The following RAET1E variants were observed in gnomAD, a reference collection of about 807,000 sequenced individuals.
RAET1E encodes retinoic acid early transcript 1E, also known as NKG2D ligand 4.
In RAET1E, 27 loss-of-function variants were observed where a neutral mutation model predicts 21.1. The ratio of observed to expected loss-of-function variants is 1.28; its 90% CI spans 0.94 to 1.76. RAET1E has a LOEUF of 1.76. RAET1E is among the 40% of genes most tolerant of loss of function. RAET1E has a pLI of 0.00. For synonymous variants in RAET1E, 113 were observed against 115.0 expected, an observed-to-expected ratio of 0.98 and a Z score of 0.11; for missense variants, 310 against 311.3, an observed-to-expected ratio of 1.00 and a Z score of 0.03.
In RAET1E at chr6:149,890,931, G is replaced by A. The variant is rs765754473; in HGVS notation, c.-30C>T. The A allele has an allele frequency of 1.8e-5, 27 of 1,474,852 alleles. No individual in the cohort carries two copies. Among genetic ancestry groups the A allele is most frequent in the Non-Finnish European group, 2.3e-5 (24 of 1,055,070 alleles). 91.4% of individuals were successfully genotyped at this position (1,474,852 alleles called of 1,614,324 possible). ...TGGAGAGTAACAGGCAGGAAGCTGG[G>A]CGTGTACACATTCACCCTCACTGGT... On this transcript the variant is annotated 5_prime_UTR_variant, in exon 3 of 6. Coordinates refer to ENST00000357183, the MANE Select transcript of RAET1E (RefSeq NM_001394057.1).
Position 149,887,972 on chromosome 6 carries a change from C to T in RAET1E, c.*526G>A, listed in dbSNP as rs1036556837. ...ATCCCAGCGCTTTGGGAGGCCGAGG[C>T]GGGAGCATCACCTGAGGTCGGGAGT... On this transcript the variant is annotated 3_prime_UTR_variant, in exon 6 of 6. Coordinates refer to ENST00000357183, the MANE Select transcript of RAET1E (RefSeq NM_001394057.1). Among the ~76,000 whole-genome samples, 2 of 152,094 alleles carry T rather than the reference C, an allele frequency of 1.3e-5. No individual in the cohort carries two copies. The highest frequency in any genetic ancestry group is 2.9e-5 in the Non-Finnish European group (2 of 68,010).
Position 149,884,195 on chromosome 6 carries a change from T to C in RAET1E, c.*4303A>G. 2.5e-6 allele frequency: 1 copy of C among 394,558 alleles called. No homozygotes were observed. 24.4% of individuals were successfully genotyped at this position (394,558 alleles called of 1,614,324 possible). A position where few individuals can be genotyped will look rare whatever the true frequency, so the allele number is the denominator to read the frequency against. The stretch of plus-strand genomic sequence containing the variant: ...CTCACGAGCAAAGGCTCACTGCAGC[T>C]TCAGATTCCTGGGCTCAAGTGATCC... On this transcript the variant is annotated 3_prime_UTR_variant, in exon 6 of 6. Coordinates refer to ENST00000357183, the MANE Select transcript of RAET1E (RefSeq NM_001394057.1).
At position 149,890,802 on chromosome 6, in the gene RAET1E, G is replaced by A; in HGVS notation, c.85+15C>T. 6.3e-7 allele frequency: 1 copy of A among 1,592,150 alleles called. No homozygotes were observed. Among genetic ancestry groups the A allele is most frequent in the Non-Finnish European group, 8.6e-7 (1 of 1,160,618 alleles). On this transcript the variant is annotated intron_variant, in intron 3 of 5. Transcript: ENST00000357183. ...CTCCTTGTCCTCAGCCAGTTCTTGT[G>A]CTCAGGACACTCACCAACCATGATC...
chr6:149,891,890 C>T (rs535739768), intron 2 of RAET1E, among the ~76,000 whole-genome samples: 13 of 152,238 alleles, frequency 8.5e-5, no homozygotes, highest in Non-Finnish European at 1.2e-4. Flanking sequence ...CCCCCCACCC[C>T]GTGACAGGCC....
At chr6:149,892,841 C>T (rs1362191389) in intron 2 of RAET1E, among the ~76,000 whole-genome samples, 2 of 152,082 alleles carry the variant, frequency 1.3e-5, no homozygotes, top group African/African-American at 4.8e-5. Context: ...GGTCCTATGT[C>T]TTATGTTTAA....
In RAET1E at chr6:149,888,173, C is replaced by T. The variant is rs9322228; in HGVS notation, c.*325G>A. ...CACCAGCAAGTCTTCTCAGGGTGAA[C>T]GGGAAAAGGGGATGGGACCTGCTGA... On this transcript the variant is annotated 3_prime_UTR_variant, in exon 6 of 6. Coordinates refer to ENST00000357183, the MANE Select transcript of RAET1E (RefSeq NM_001394057.1). 1.7e-4 allele frequency: 99 copies of T among 575,822 alleles called. No individual in the cohort carries two copies. Among genetic ancestry groups the T allele is most frequent in the South Asian group, 7.9e-4 (55 of 69,968 alleles). 35.7% of individuals were successfully genotyped at this position (575,822 alleles called of 1,614,324 possible).
rs777793231 is a variant in RAET1E at position 149,884,456 on chromosome 6, G to T, written c.*4042C>A. Reference sequence around the variant, plus strand: ...GGCTGTCAGCGATCGAGGACCACAGGTGAACAACTCTGCGCCGCCGTGGTA... The same window carrying T: ...GGCTGTCAGCGATCGAGGACCACAGTTGAACAACTCTGCGCCGCCGTGGTA... On this transcript the variant is annotated 3_prime_UTR_variant, in exon 6 of 6. Transcript: ENST00000357183. 101 of 1,534,574 alleles carry T rather than the reference G, an allele frequency of 6.6e-5. 5 individuals are homozygous for T. The South Asian group carries it at 1.1e-3, about 17-fold the overall frequency.
intron 2 of RAET1E, among the ~76,000 whole-genome samples, chr6:149,891,648 A>G (rs1562467256): frequency 6.6e-6 from 1 of 152,116 alleles, no homozygotes; most frequent in African/African-American, 2.4e-5. Flanking sequence ...GCACTTTGGG[A>G]GGATGAGGCA....
chr6:149,888,434 G>A lies in RAET1E; in HGVS notation c.*64C>T, dbSNP rs1218467142. On this transcript the variant is annotated 3_prime_UTR_variant, in exon 6 of 6. Coordinates refer to ENST00000357183, the MANE Select transcript of RAET1E (RefSeq NM_001394057.1). ...GCAGTGCACCATTTCTGTGGAGAGA[G>A]ATGGATCAGGGAGCGGGGGCTTGGA... 1.6e-5 allele frequency: 25 copies of A among 1,572,086 alleles called. No homozygotes were observed. The highest frequency in any genetic ancestry group is 2.3e-5 in the South Asian group (2 of 86,724).
rs952892548 is a variant in RAET1E, at chr6:149,890,013, G to C, written c.218C>G (p.Pro73Arg). ...TACCTTCTTCCCCAGGAGGCCCAGAGGTTTGACCATGTTGTTGTCACTGTT... is the reference window on the plus strand; with the variant it reads ...TACCTTCTTCCCCAGGAGGCCCAGACGTTTGACCATGTTGTTGTCACTGTT... ...QYNSDNNMVK[P>R]LGLLGKKVYA... Residue 73 changes from proline (P) to arginine (R), a missense_variant, in exon 4 of 6, where the codon CCT becomes CGT. Pro to Arg is a moderately radical substitution (Grantham distance 103, BLOSUM62 -2). Coordinates refer to ENST00000357183, the MANE Select transcript of RAET1E (RefSeq NM_001394057.1). 1.9e-6 allele frequency: 3 copies of C among 1,614,034 alleles called. No homozygotes were observed. Among genetic ancestry groups the C allele is most frequent in the Non-Finnish European group, 2.5e-6 (3 of 1,180,044 alleles).
In RAET1E at chr6:149,888,669, T is replaced by TAAAAAAAAAAAA. The variant is rs3036672; in HGVS notation, c.623-14_623-3dup. The TAAAAAAAAAAAA allele has an allele frequency of 6.3e-5, 85 of 1,338,908 alleles. No homozygotes were observed. The highest frequency in any genetic ancestry group is 3.8e-4 in the East Asian group (12 of 31,856). 82.9% of individuals were successfully genotyped at this position (1,338,908 alleles called of 1,614,324 possible). ...TATCTGAAGCATTTACTGGTGACAC[T>TAAAAAAAAAAAA]AAAAAAAAAAAAAAAAAGAAAAAAA... On this transcript the variant is annotated splice_polypyrimidine_tract_variant and splice_region_variant and intron_variant, in intron 5 of 5. Coordinates refer to ENST00000357183, the MANE Select transcript of RAET1E (RefSeq NM_001394057.1).
At position 149,888,630 on chromosome 6, in the gene RAET1E, A is replaced by T. The variant is rs745377595; in HGVS notation, c.660T>A (p.Ser220=). ...TGATCCATCTATCTGGTAGACTAGAAGAAGACCAGTGGATATCTGAAGCAT... is the reference window on the plus strand; with the variant it reads ...TGATCCATCTATCTGGTAGACTAGATGAAGACCAGTGGATATCTGAAGCAT... ...PVNASDIHWS[S]SSLPDRWIIL... The change falls in exon 6 of 6, where the codon TCT becomes TCA. Residue 220 remains serine, a synonymous_variant. Transcript: ENST00000357183. 1.2e-6 allele frequency: 2 copies of T among 1,612,578 alleles called. No individual in the cohort carries two copies. The highest frequency in any genetic ancestry group is 1.7e-6 in the Non-Finnish European group (2 of 1,179,762).
rs551275244 is a variant in RAET1E, at chr6:149,885,496, C to A, written c.*3002G>T. 2 of 152,322 alleles carry A rather than the reference C, an allele frequency of 1.3e-5. No homozygotes were observed. The highest frequency in any genetic ancestry group is 1.3e-4 in the Admixed American group (2 of 15,306). 9.4% of individuals were successfully genotyped at this position (152,322 alleles called of 1,614,324 possible). A position where few individuals can be genotyped will look rare whatever the true frequency, so the allele number is the denominator to read the frequency against. Reference sequence around the variant, plus strand: ...CAGGGGTCTTGGGGAGACTTAGCAACCTCATTTCTCCCTGTCCTCATACAG... The same window carrying A: ...CAGGGGTCTTGGGGAGACTTAGCAAACTCATTTCTCCCTGTCCTCATACAG... On this transcript the variant is annotated 3_prime_UTR_variant, in exon 6 of 6. Transcript: ENST00000357183.
At chr6:149,896,746 C>T (rs570604488) in intron 1 of RAET1E, among the ~76,000 whole-genome samples, 8 of 152,124 alleles carry the variant, frequency 5.3e-5, no homozygotes, top group African/African-American at 1.9e-4. Context: ...ATATTTTCTA[C>T]AAGTCTGATG....
rs1447844403 is a variant in RAET1E, at chr6:149,884,732, G to A, written c.*3766C>T. On this transcript the variant is annotated 3_prime_UTR_variant, in exon 6 of 6. Transcript: ENST00000357183. Reference sequence around the variant, plus strand: ...GAGATTTTAGGGGTTCAGAGCCAAGGAAGGCAAAGTATCAGTGGGAACACA... The same window carrying A: ...GAGATTTTAGGGGTTCAGAGCCAAGAAAGGCAAAGTATCAGTGGGAACACA... Among the ~76,000 whole-genome samples, 1 of 152,208 alleles carries A rather than the reference G, an allele frequency of 6.6e-6. No individual in the cohort carries two copies. Among genetic ancestry groups the A allele is most frequent in the Non-Finnish European group, 1.5e-5 (1 of 68,042 alleles).
Position 149,884,194 on chromosome 6 carries a change from C to A in RAET1E, c.*4304G>T. 1 of 392,186 alleles carries A rather than the reference C, an allele frequency of 2.5e-6. No individual in the cohort carries two copies. The highest frequency in any genetic ancestry group is 4.7e-6 in the Non-Finnish European group (1 of 210,774). 24.3% of individuals were successfully genotyped at this position (392,186 alleles called of 1,614,324 possible). On this transcript the variant is annotated 3_prime_UTR_variant, in exon 6 of 6. Transcript: ENST00000357183. ...TCTCACGAGCAAAGGCTCACTGCAG[C>A]TTCAGATTCCTGGGCTCAAGTGATC...
In RAET1E at chr6:149,886,872, G is replaced by A. The variant is rs1226912785; in HGVS notation, c.*1626C>T. 1.3e-5 allele frequency among the ~76,000 whole-genome samples: 2 copies of A among 152,232 alleles called. No individual in the cohort carries two copies. Among genetic ancestry groups the A allele is most frequent in the African/African-American group, 4.8e-5 (2 of 41,470 alleles). ...GCCAGAGACAACAAAATAGGAATGT[G>A]TCATGGGCACACAAAGCTCTTTTTC... On this transcript the variant is annotated 3_prime_UTR_variant, in exon 6 of 6. Coordinates refer to ENST00000357183, the MANE Select transcript of RAET1E (RefSeq NM_001394057.1).
chr6:149,896,403 T>G (rs992832245), intron 1 of RAET1E, among the ~76,000 whole-genome samples: 1 of 152,074 alleles, frequency 6.6e-6, no homozygotes, highest in Non-Finnish European at 1.5e-5. Flanking sequence ...GGAATGCACA[T>G]TTTTTACATG....
chr6:149,886,359 C>T lies in RAET1E; in HGVS notation c.*2139G>A, dbSNP rs1050811095. Among the ~76,000 whole-genome samples, 9 of 152,114 alleles carry T rather than the reference C, an allele frequency of 5.9e-5. No homozygotes were observed. Among genetic ancestry groups the T allele is most frequent in the African/African-American group, 1.2e-4 (5 of 41,422 alleles). ...TCCATTGTGCTTGGACAAGATGCTT[C>T]GCATGATTTTAACCCTTTACATATG... is the stretch of plus-strand genomic sequence containing the variant. On this transcript the variant is annotated 3_prime_UTR_variant, in exon 6 of 6. Coordinates refer to ENST00000357183, the MANE Select transcript of RAET1E (RefSeq NM_001394057.1).
Sources: gnomAD v4.1 joint callset for allele counts (sites outside exome capture counted in the v4.1 genomes callset) on GRCh38, gnomAD v4.1.1 for gene constraint, MANE v1.5 for transcripts, NCBI Gene and HGNC (gene_info 2026-07-23, HGNC 2026-07-21) for gene names.